The following UBE2E1 variants were observed in gnomAD, a reference collection of about 807,000 sequenced individuals.
UBE2E1 encodes ubiquitin conjugating enzyme E2 E1, also known as ubiquitin-conjugating enzyme E2 E1.
Under a neutral mutation model 21.4 loss-of-function variants are expected in UBE2E1, and 6 were observed. The ratio of observed to expected loss-of-function variants is 0.28; its 90% CI spans 0.15 to 0.55. The LOEUF is 0.55. UBE2E1 is among the 20% of genes least tolerant of loss of function. UBE2E1 has a pLI of 0.93. For missense variants in UBE2E1, 142 were observed against 236.5 expected (o/e 0.60, Z 2.62); for synonymous variants, 87 against 82.7 (o/e 1.05, Z -0.28).
In UBE2E1 at chr3:23,860,592, G is replaced by A. The variant is rs72627036; in HGVS notation, c.204-26975G>A. On this transcript the variant is annotated intron_variant, in intron 3 of 5. Transcript: ENST00000306627. ...AATGTGCCTTGTATCTAAAGCTGTG[G>A]GTCCTGGCTCTTAACAACAAGCACA... Among the ~76,000 whole-genome samples the A allele has an allele frequency of 4.3e-3, 654 of 152,182 alleles. 16 individuals carry two copies. The East Asian group carries it at 0.049, about 11-fold the overall frequency.
At chr3:23,847,396 G>C (rs1291326426) in intron 3 of UBE2E1, among the ~76,000 whole-genome samples, 1 of 151,364 alleles carries the variant, frequency 6.6e-6, no homozygotes, top group African/African-American at 2.4e-5. Context: ...CTGAAATGAA[G>C]CTTATTTTTA....
chr3:23,841,135 G>A (rs761518978), intron 3 of UBE2E1, among the ~76,000 whole-genome samples: 1 of 152,032 alleles, frequency 6.6e-6, no homozygotes. Flanking sequence ...TTAGAGATGC[G>A]GGTGAACTGT....
At chr3:23,873,401 A>T (rs1024007345) in intron 3 of UBE2E1, among the ~76,000 whole-genome samples, 2 of 151,718 alleles carry the variant, frequency 1.3e-5, no homozygotes, top group Non-Finnish European at 2.9e-5. Context: ...GAGAGACCCC[A>T]TGGCCCTGGG....
intron 3 of UBE2E1, among the ~76,000 whole-genome samples, chr3:23,872,357 AC>A (rs1276817549): frequency 4.6e-5 from 7 of 150,774 alleles, no homozygotes; most frequent in Admixed American, 4.6e-4. Flanking sequence ...TCAGAGGGAG[AC>A]CGTGGAAAGA....
At chr3:23,850,434 A>T (rs1575014979) in intron 3 of UBE2E1, among the ~76,000 whole-genome samples, 1 of 152,258 alleles carries the variant, frequency 6.6e-6, no homozygotes, top group East Asian at 1.9e-4. Flanking sequence ...TTGTGGTTTC[A>T]ATGAAGTCCA....
intron 3 of UBE2E1, among the ~76,000 whole-genome samples, chr3:23,827,666 G>T (rs1699786677): frequency 1.3e-5 from 2 of 152,094 alleles, no homozygotes; most frequent in African/African-American, 2.4e-5. Flanking sequence ...AGTTGTTGAT[G>T]TTAAATTTTA....
rs1179827430 is a variant in UBE2E1 at position 23,853,849 on chromosome 3, C to T, written c.204-33718C>T. 6.6e-6 allele frequency among the ~76,000 whole-genome samples: 1 copy of T among 152,078 alleles called. No individual in the cohort carries two copies. Among genetic ancestry groups the T allele is most frequent in the African/African-American group, 2.4e-5 (1 of 41,408 alleles). The stretch of plus-strand genomic sequence containing the variant: ...TATGTTATTTGTTCACCCAACATCC[C>T]CCTGGGGTACCAACACTCCTCATTT... On this transcript the variant is annotated intron_variant, in intron 3 of 5. Transcript: ENST00000306627. The surrounding 1 kb of genome is among the most constrained non-coding windows in gnomAD (Gnocchi z 4.1).
intron 3 of UBE2E1, among the ~76,000 whole-genome samples, chr3:23,843,417 A>AT (rs1700134939): frequency 1.3e-5 from 2 of 152,132 alleles, no homozygotes; most frequent in Admixed American, 1.3e-4. Context: ...GATAATATAG[A>AT]TTTTCTCAGT....
At chr3:23,888,687 C>T (rs981443767) in intron 4 of UBE2E1, among the ~76,000 whole-genome samples, 1 of 152,116 alleles carries the variant, frequency 6.6e-6, no homozygotes, top group Non-Finnish European at 1.5e-5. Flanking sequence ...TCATTGTTTG[C>T]TAAGTATGTT....
rs1372468050 is a variant in UBE2E1 at position 23,887,010 on chromosome 3, G to A, written c.204-557G>A. On this transcript the variant is annotated intron_variant, in intron 3 of 5. Transcript: ENST00000306627. The surrounding 1 kb of genome is among the most constrained non-coding windows in gnomAD (Gnocchi z 4.4). The stretch of plus-strand genomic sequence containing the variant: ...CCAATTATAGAATACACATTGAAAT[G>A]AAAATTGAATAACCTGTAACTGGAT... 6.6e-6 allele frequency among the ~76,000 whole-genome samples: 1 copy of A among 152,186 alleles called. No homozygotes were observed. Among genetic ancestry groups the A allele is most frequent in the African/African-American group, 2.4e-5 (1 of 41,446 alleles).
rs199857556 is a variant in UBE2E1 at position 23,848,818 on chromosome 3, C to CG, written c.203+37308_203+37309insG. Among the ~76,000 whole-genome samples, 1,408 of 152,208 alleles carry CG rather than the reference C, an allele frequency of 9.3e-3. 18 individuals are homozygous for CG. The highest frequency in any genetic ancestry group is 0.042 in the East Asian group (218 of 5,190). On this transcript the variant is annotated intron_variant, in intron 3 of 5. Coordinates refer to ENST00000306627, the MANE Select transcript of UBE2E1 (RefSeq NM_003341.5). Reference sequence around the variant, plus strand: ...TTAGCAAGAAAGTCCTAACTGGAATCAAAGGGGGAGAGGTGTTGGTAAGCC... The same window carrying CG: ...TTAGCAAGAAAGTCCTAACTGGAATCGAAAGGGGGAGAGGTGTTGGTAAGCC...
In UBE2E1 at chr3:23,876,548, G is replaced by C. The variant is rs896148074; in HGVS notation, c.204-11019G>C. Among the ~76,000 whole-genome samples, 1 of 152,034 alleles carries C rather than the reference G, an allele frequency of 6.6e-6. No homozygotes were observed. On this transcript the variant is annotated intron_variant, in intron 3 of 5. Transcript: ENST00000306627. This position sits in a 1 kb window ranked among gnomAD's most constrained non-coding sequence, Gnocchi z 4.3. ...AAATCAGGAGTGGATTTTTAGTAGT[G>C]TGTTTGTCATAGGGAATGTAGATGT...
rs1417698925 is a variant in UBE2E1, at chr3:23,836,357, T to C, written c.203+24847T>C. ...CTCACAAGTTTTCACCTATAATGTA[T>C]TTACTCATTAAACATCAGATGTCTT... On this transcript the variant is annotated intron_variant, in intron 3 of 5. Transcript: ENST00000306627. This position sits in a 1 kb window ranked among gnomAD's most constrained non-coding sequence, Gnocchi z 4.1. Among the ~76,000 whole-genome samples the C allele has an allele frequency of 6.6e-6, 1 of 152,238 alleles. No homozygotes were observed. Among genetic ancestry groups the C allele is most frequent in the Non-Finnish European group, 1.5e-5 (1 of 68,042 alleles).
intron 3 of UBE2E1, among the ~76,000 whole-genome samples, chr3:23,850,323 G>A (rs1700295538): frequency 1.3e-5 from 2 of 151,876 alleles, no homozygotes; most frequent in African/African-American, 4.8e-5. Flanking sequence ...TTTTATTCCA[G>A]ATAAAAGTAC....
intron 3 of UBE2E1, among the ~76,000 whole-genome samples, chr3:23,851,485 C>T (rs1700323724): frequency 2.0e-5 from 3 of 151,942 alleles, no homozygotes; most frequent in Admixed American, 1.3e-4. Context: ...TGAATCTGTA[C>T]ACCAGTTTGA....
At chr3:23,852,277 T>C (rs1289451243) in intron 3 of UBE2E1, among the ~76,000 whole-genome samples, 1 of 152,240 alleles carries the variant, frequency 6.6e-6, no homozygotes, top group Non-Finnish European at 1.5e-5. Context: ...CAGTTATTTA[T>C]ATTTCCCTTA....
In UBE2E1 at chr3:23,851,564, G is replaced by C. The variant is rs187321909; in HGVS notation, c.204-36003G>C. On this transcript the variant is annotated intron_variant, in intron 3 of 5. Transcript: ENST00000306627. ...GCCTACTATATTCCCAGCACTTTGA[G>C]AGACCAAGGTGGAAAGATCACTTGA... is the stretch of plus-strand genomic sequence containing the variant. Among the ~76,000 whole-genome samples, 48 of 152,160 alleles carry C rather than the reference G, an allele frequency of 3.2e-4. No individual in the cohort carries two copies. The East Asian group carries it at 6.8e-3, about 21-fold the overall frequency.
At chr3:23,837,243 G>A (rs1327840178) in intron 3 of UBE2E1, among the ~76,000 whole-genome samples, 2 of 152,196 alleles carry the variant, frequency 1.3e-5, no homozygotes, top group Non-Finnish European at 2.9e-5. Context: ...AGGTGAGGAA[G>A]TTGAAACATA....
chr3:23,879,570 T>TC, intron 3 of UBE2E1: 1 of 301,628 alleles, frequency 3.3e-6, no homozygotes, highest in Non-Finnish European at 6.7e-6. Context: ...TCGTAGGTGA[T>TC]CCAGCTATAA....
Sources: allele counts gnomAD v4.1 joint callset (sites outside exome capture counted in the v4.1 genomes callset), GRCh38; gene constraint gnomAD v4.1.1; non-coding constraint Gnocchi (gnomAD v3.1); transcripts MANE v1.5; gene names NCBI Gene and HGNC (gene_info 2026-07-23, HGNC 2026-07-21).